L3MBTL4: variants seen among roughly 807,000 people sequenced by gnomAD.
The protein encoded by L3MBTL4 is lethal(3)malignant brain tumor-like protein 4.
Under a neutral mutation model 84.5 loss-of-function variants are expected in L3MBTL4, and 70 were observed. The ratio of observed to expected loss-of-function variants is 0.83; its 90% CI spans 0.68 to 1.01. The LOEUF (loss-of-function observed/expected upper bound fraction) is 1.01. Among genes scored for constraint, L3MBTL4 ranks in the 50% least tolerant of loss-of-function variants. The probability of loss-of-function intolerance (pLI) is 0.00; values close to 1 mark genes in which losing one functional copy is unlikely to be tolerated. For synonymous variants in L3MBTL4, 274 were observed against 259.8 expected, an observed-to-expected ratio of 1.05 and a Z score of -0.52; for missense variants, 715 against 754.8, an observed-to-expected ratio of 0.95 and a Z score of 0.62.
chr18:6,320,201 GA>G (rs1167873438), intron 1 of L3MBTL4, among the ~76,000 whole-genome samples: 1 of 151,982 alleles, frequency 6.6e-6, no homozygotes, highest in Non-Finnish European at 1.5e-5. Context: ...ACTAAATGGG[GA>G]AAAGTTGAAA....
At chr18:6,308,007 C>G (rs994684194) in intron 3 of L3MBTL4, among the ~76,000 whole-genome samples, 1 of 152,136 alleles carries the variant, frequency 6.6e-6, no homozygotes, top group Non-Finnish European at 1.5e-5. Context: ...TACATACACA[C>G]TAGACATCAA....
intron 10 of L3MBTL4, among the ~76,000 whole-genome samples, chr18:6,237,737 T>C (rs1256284528): frequency 1.3e-5 from 2 of 152,058 alleles, no homozygotes; most frequent in African/African-American, 4.8e-5. Context: ...ATTACAGGGA[T>C]GAGCCACCAC....
At chr18:6,372,570 G>A (rs1178160374) in intron 1 of L3MBTL4, among the ~76,000 whole-genome samples, 1 of 152,024 alleles carries the variant, frequency 6.6e-6, no homozygotes, top group Non-Finnish European at 1.5e-5. Flanking sequence ...CTTCCGCAAG[G>A]CCTCTTAAAC....
At chr18:6,374,256 T>G (rs2054276490) in intron 1 of L3MBTL4, 1 of 152,708 alleles carries the variant, frequency 6.5e-6, no homozygotes, top group Non-Finnish European at 1.5e-5. Flanking sequence ...TCTGGTTCTT[T>G]TTTGTGTAAA....
chr18:6,252,502 C>T (rs1329028721), intron 5 of L3MBTL4, among the ~76,000 whole-genome samples: 1 of 152,126 alleles, frequency 6.6e-6, no homozygotes, highest in African/African-American at 2.4e-5. Flanking sequence ...GAAAGATTTA[C>T]ATCAAATTAT....
intron 1 of L3MBTL4, among the ~76,000 whole-genome samples, chr18:6,333,746 T>C (rs2052174808): frequency 6.6e-6 from 1 of 152,168 alleles, no homozygotes; most frequent in African/African-American, 2.4e-5. Flanking sequence ...CAAGACATCT[T>C]TTTTCTGTCA....
At chr18:6,004,580 C>G (rs1177270021) in intron 16 of L3MBTL4, among the ~76,000 whole-genome samples, 1 of 152,158 alleles carries the variant, frequency 6.6e-6, no homozygotes, top group South Asian at 2.1e-4. Flanking sequence ...ATGACATGAT[C>G]TTACATGTAG....
chr18:6,395,346 C>T (rs2055226850), intron 1 of L3MBTL4: 1 of 152,232 alleles, frequency 6.6e-6, no homozygotes, highest in African/African-American at 2.4e-5. Context: ...CTGTCCTACC[C>T]CTATCCATCC....
chr18:6,331,849 C>G (rs2052050514), intron 1 of L3MBTL4, among the ~76,000 whole-genome samples: 1 of 149,538 alleles, frequency 6.7e-6, no homozygotes, highest in South Asian at 2.1e-4. Flanking sequence ...AAATAAAGCA[C>G]AAGAAGATCA....
At chr18:6,125,199 G>A (rs1419755982) in intron 14 of L3MBTL4, among the ~76,000 whole-genome samples, 1 of 151,838 alleles carries the variant, frequency 6.6e-6, no homozygotes, top group East Asian at 1.9e-4. Flanking sequence ...AGGAAGGGAG[G>A]GGAGGGAGGG....
At chr18:6,371,579 C>A (rs1287426879) in intron 1 of L3MBTL4, among the ~76,000 whole-genome samples, 1 of 152,132 alleles carries the variant, frequency 6.6e-6, no homozygotes, top group Non-Finnish European at 1.5e-5. Context: ...CCCTTACTAC[C>A]ACAGAGCATA....
At chr18:6,260,349 T>C (rs1423472591) in intron 5 of L3MBTL4, 6 of 152,214 alleles carry the variant, frequency 3.9e-5, no homozygotes, top group Non-Finnish European at 8.8e-5. Context: ...AGGAATAATG[T>C]TTAATCTATA....
At chr18:6,117,880 T>A (rs1045389348) in intron 14 of L3MBTL4, among the ~76,000 whole-genome samples, 7 of 152,170 alleles carry the variant, frequency 4.6e-5, no homozygotes, top group Non-Finnish European at 8.8e-5. Context: ...TTTCCAATTC[T>A]CTGTATTAAT....
chr18:6,000,509 G>A (rs1361777488), intron 16 of L3MBTL4, among the ~76,000 whole-genome samples: 1 of 152,122 alleles, frequency 6.6e-6, no homozygotes, highest in East Asian at 1.9e-4. Context: ...AGAAAGTCAA[G>A]CAAAATGAAA....
At chr18:6,299,242 G>T (rs185930720) in intron 4 of L3MBTL4, among the ~76,000 whole-genome samples, 5 of 152,298 alleles carry the variant, frequency 3.3e-5, no homozygotes, top group Admixed American at 2.6e-4. Context: ...GCATGACTAT[G>T]TCAGGGAAAA....
intron 1 of L3MBTL4, among the ~76,000 whole-genome samples, chr18:6,313,749 TA>T (rs2050948955): frequency 6.6e-6 from 1 of 152,212 alleles, no homozygotes; most frequent in South Asian, 2.1e-4. Flanking sequence ...TCTGCCTTGA[TA>T]ATCCCTGCAA....
intron 1 of L3MBTL4, among the ~76,000 whole-genome samples, chr18:6,356,167 T>C (rs1199527112): frequency 6.6e-6 from 1 of 152,236 alleles, no homozygotes; most frequent in Non-Finnish European, 1.5e-5. Context: ...TGTAGTATTC[T>C]CTGTGTTTGC....
In L3MBTL4 at chr18:6,150,634, C is replaced by T. The variant is rs61458758; in HGVS notation, c.1097-12338G>A. On this transcript the variant is annotated intron_variant, in intron 13 of 18. Transcript: ENST00000317931. ...ATGTCTGTAACAGATGCTTCGATAA[C>T]GTAAAAGGAGCAAATTGCCTTCCCT... Among the ~76,000 whole-genome samples the T allele has an allele frequency of 4.7e-3, 712 of 152,194 alleles. 3 individuals carry two copies. Among genetic ancestry groups the T allele is most frequent in the African/African-American group, 0.017 (687 of 41,532 alleles).
At chr18:6,042,045 G>T (rs1045059092) in intron 16 of L3MBTL4, among the ~76,000 whole-genome samples, 3 of 152,018 alleles carry the variant, frequency 2.0e-5, no homozygotes, top group African/African-American at 4.8e-5. Flanking sequence ...TCGAACTTCC[G>T]CTTCCTTCAA....
Sources: allele counts gnomAD v4.1 joint callset (sites outside exome capture counted in the v4.1 genomes callset), GRCh38; gene constraint gnomAD v4.1.1; transcripts MANE v1.5; gene names NCBI Gene and HGNC (gene_info 2026-07-23, HGNC 2026-07-21).